The following BTN3A1 variants were observed in gnomAD, a reference collection of about 807,000 sequenced individuals.
BTN3A1 encodes the protein dJ45P21.3 (butyrophilin, subfamily 3, member A1).
A neutral mutation model predicts 43.0 loss-of-function variants in BTN3A1; 24 were observed. That is an observed-to-expected ratio of 0.56 (90% CI 0.40 to 0.78). The LOEUF (loss-of-function observed/expected upper bound fraction) is 0.78. Ranked by LOEUF, BTN3A1 falls within the 30% of genes least tolerant of loss-of-function variation. The probability of loss-of-function intolerance (pLI) is 0.00; values close to 1 mark genes in which losing one functional copy is unlikely to be tolerated. For missense variants in BTN3A1, 533 were observed against 626.2 expected (o/e 0.85, Z 1.59); for synonymous variants, 181 against 234.7 (o/e 0.77, Z 2.09).
chr6:26,408,055 A>G, intron 4 of BTN3A1, 103 bp downstream of exon 4: 4 of 1,536,862 alleles, frequency 2.6e-6, no homozygotes, highest in Non-Finnish European at 3.5e-6. Flanking sequence ...TGCACTGAAT[A>G]TAAGGCCCAA....
rs1263136219 is a variant in BTN3A1 at position 26,413,166 on chromosome 6, C to T, written c.1019-3C>T. 1 of 1,607,826 alleles carries T rather than the reference C, an allele frequency of 6.2e-7. No individual in the cohort carries two copies. The highest frequency in any genetic ancestry group is 8.5e-7 in the Non-Finnish European group (1 of 1,176,838). On this transcript the variant is annotated splice_polypyrimidine_tract_variant and splice_region_variant and intron_variant, in intron 9 of 9. Transcript: ENST00000289361. ...CATGGACACTTCCTCAAACTCTCTG[C>T]AGCGGATGTGATTCTGGATCCAAAA...
intron 9 of BTN3A1, chr6:26,411,818 G>A (rs1311439114): frequency 5.9e-6 from 3 of 509,694 alleles, no homozygotes; most frequent in Non-Finnish European, 1.0e-5. Flanking sequence ...GACCTTCCTG[G>A]GAAGGAAGAC....
In BTN3A1 at chr6:26,413,217, C is replaced by A; in HGVS notation, c.1067C>A (p.Ser356Tyr). ...PKTANPILLVSEDQRSVQRAK... is the reference protein window; with the variant it reads ...PKTANPILLVYEDQRSVQRAK... ...ACAGCAAACCCCATCCTCCTTGTTT[C>A]TGAGGACCAGAGGAGTGTGCAGCGT... The change falls in exon 10 of 10, where the codon TCT (serine) becomes TAT (tyrosine). Residue 356 changes from serine to tyrosine, a missense_variant. Around this residue, in one of 4 missense-constraint regions of BTN3A1, gnomAD observed 415 missense variants for 427.0 expected, o/e 0.97. Transcript: ENST00000289361. The A allele has an allele frequency of 6.2e-7, 1 of 1,614,072 alleles. No individual in the cohort carries two copies.
chr6:26,402,863 A>G (rs982175734), intron 1 of BTN3A1, among the ~76,000 whole-genome samples: 3 of 152,214 alleles, frequency 2.0e-5, no homozygotes, highest in Non-Finnish European at 4.4e-5. Context: ...TTCAATCATA[A>G]AAGAGATTTC....
chr6:26,411,082 G>T (rs905541807), intron 7 of BTN3A1, 27 bp from the exon 8 acceptor site: 16 of 1,595,022 alleles, frequency 1.0e-5, no homozygotes, highest in Non-Finnish European at 1.4e-5. Flanking sequence ...AAGTTCAGGT[G>T]ACATCTCTAT....
Position 26,413,557 on chromosome 6 carries a change from A to T in BTN3A1, c.1407A>T (p.Gly469=). The T allele has an allele frequency of 6.2e-7, 1 of 1,614,124 alleles. No individual in the cohort carries two copies. The highest frequency in any genetic ancestry group is 8.5e-7 in the Non-Finnish European group (1 of 1,180,030). ...GGGTCTTCCTGGACTATGAGACTGG[A>T]GATATCTCATTCTACAATGCTGTGG... ...KVGVFLDYET[G]DISFYNAVDG... is the part of the protein sequence containing the mutation. The change falls in exon 10 of 10, where the codon GGA becomes GGT. Residue 469 remains glycine (G), a synonymous_variant. Coordinates refer to ENST00000289361, the MANE Select transcript of BTN3A1 (RefSeq NM_007048.6).
At chr6:26,411,000 TAAAAAAAAAAAAA>T in intron 7 of BTN3A1, 96 bp from the exon 8 acceptor site, 4 of 358,858 alleles carry the variant, frequency 1.1e-5, no homozygotes, top group Non-Finnish European at 1.7e-5. Context: ...ATACAGGTGG[TAAAAAAAAAAAAA>T]AAAAAAAAAA....
In BTN3A1 at chr6:26,411,886, G is replaced by A. The variant is rs910312456; in HGVS notation, c.1018+305G>A. ...CACACTGAGTAATACTGCAGGGAGAGTGAGGATGGAAATGCCAAGGAAAGG... is the reference window on the plus strand; with the variant it reads ...CACACTGAGTAATACTGCAGGGAGAATGAGGATGGAAATGCCAAGGAAAGG... On this transcript the variant is annotated intron_variant, in intron 9 of 9. Transcript: ENST00000289361. 4.2e-5 allele frequency: 13 copies of A among 310,504 alleles called. No individual in the cohort carries two copies. In the Admixed American group the frequency reaches 4.7e-4, roughly 11 times the overall value. 19.2% of individuals were successfully genotyped at this position (310,504 alleles called of 1,614,324 possible).
Position 26,410,791 on chromosome 6 carries a change from G to GTA in BTN3A1, c.965-308_965-307dup, listed in dbSNP as rs201545633. 1.7e-4 allele frequency among the ~76,000 whole-genome samples: 26 copies of GTA among 148,606 alleles called. No individual in the cohort carries two copies. In the East Asian group the frequency reaches 2.0e-3, roughly 11 times the overall value. On this transcript the variant is annotated intron_variant, in intron 7 of 9. Coordinates refer to ENST00000289361, the MANE Select transcript of BTN3A1 (RefSeq NM_007048.6). ...TGCATATATATGTATATATATATGTGTATATATATATGTGCATATAGACAT... is the reference window on the plus strand; with the variant it reads ...TGCATATATATGTATATATATATGTGTATATATATATATGTGCATATAGACAT...
intron 9 of BTN3A1, chr6:26,412,749 G>A: frequency 6.4e-7 from 1 of 1,551,410 alleles, no homozygotes; most frequent in Non-Finnish European, 8.7e-7. Flanking sequence ...TAAATAAATT[G>A]GATGTATGGA....
Position 26,409,616 on chromosome 6 carries a change from G to T in BTN3A1, c.799G>T (p.Gly267Cys), listed in dbSNP as rs776640643. The T allele has an allele frequency of 3.1e-6, 5 of 1,610,760 alleles. No homozygotes were observed. In the East Asian group the frequency reaches 1.1e-4, roughly 36 times the overall value. Residue 267 changes from glycine (G) to cysteine (C), a missense_variant, in exon 5 of 10, where the codon GGT (glycine) becomes TGT (cysteine). Physicochemically the swap from Gly to Cys is radical, Grantham distance 159. This residue lies in a region of BTN3A1 where 415 missense variants were observed against 427.0 expected (regional missense o/e 0.97). Coordinates refer to ENST00000289361, the MANE Select transcript of BTN3A1 (RefSeq NM_007048.6). ...CTTGCTGCTGCTTCTTGGGGGAGCCGGTTACTTCCTGTGGCAACAGCAGGA... is the reference window on the plus strand; with the variant it reads ...CTTGCTGCTGCTTCTTGGGGGAGCCTGTTACTTCCTGTGGCAACAGCAGGA... ...PVLLLLLGGA[G>C]YFLWQQQEEK...
intron 1 of BTN3A1, among the ~76,000 whole-genome samples, chr6:26,403,020 C>G (rs996192045): frequency 2.6e-5 from 4 of 152,182 alleles, no homozygotes; most frequent in Non-Finnish European, 4.4e-5. Context: ...CCAAACCTAA[C>G]GAATGCTATC....
chr6:26,409,680 A>C lies in BTN3A1; in HGVS notation c.863A>C (p.Gln288Pro). The C allele has an allele frequency of 6.3e-7, 1 of 1,593,092 alleles. No homozygotes were observed. The highest frequency in any genetic ancestry group is 8.5e-7 in the Non-Finnish European group (1 of 1,172,158). ...KTQFRKKKREQELREMAWSTM... is the reference protein window; with the variant it reads ...KTQFRKKKREPELREMAWSTM... ...CAGTTCAGAAAGAAAAAGAGAGAGC[A>C]AGAGTTGAGAGAAATGGCATGGAGC... The change falls in exon 5 of 10, where the codon CAA (glutamine) becomes CCA (proline). Residue 288 changes from glutamine (Q) to proline (P), a missense_variant. Coordinates refer to ENST00000289361, the MANE Select transcript of BTN3A1 (RefSeq NM_007048.6).
rs1762331669 is a variant in BTN3A1, at chr6:26,414,724, G to C, written c.*1032G>C. Reference sequence around the variant, plus strand: ...TTTTTTTAAGATGGAGTCTTACTCTGTTGCTAGGCTGGAGTGCAGTGGTGC... The same window carrying C: ...TTTTTTTAAGATGGAGTCTTACTCTCTTGCTAGGCTGGAGTGCAGTGGTGC... On this transcript the variant is annotated 3_prime_UTR_variant, in exon 10 of 10. Coordinates refer to ENST00000289361, the MANE Select transcript of BTN3A1 (RefSeq NM_007048.6). The C allele has an allele frequency of 6.7e-6, 1 of 149,760 alleles. No individual in the cohort carries two copies. 9.3% of individuals were successfully genotyped at this position (149,760 alleles called of 1,614,324 possible).
chr6:26,410,827 A>G (rs141722870), intron 7 of BTN3A1, among the ~76,000 whole-genome samples: 1 of 150,674 alleles, frequency 6.6e-6, no homozygotes, highest in African/African-American at 2.4e-5. Context: ...GGAGACACCT[A>G]TGCCCAGGTA....
Position 26,409,993 on chromosome 6 carries a change from C to T in BTN3A1, c.938-13C>T, listed in dbSNP as rs1762155831. On this transcript the variant is annotated splice_polypyrimidine_tract_variant and intron_variant, in intron 6 of 9. Transcript: ENST00000289361. ...GCGCCTTGATGCATCTTCCCCTGTT[C>T]CTTCCGTTGCAGGATGGAGAAGTAT... The T allele has an allele frequency of 6.2e-7, 1 of 1,614,034 alleles. No individual in the cohort carries two copies. The highest frequency in any genetic ancestry group is 8.5e-7 in the Non-Finnish European group (1 of 1,180,038).
At chr6:26,412,177 A>C in intron 9 of BTN3A1, 2 of 453,968 alleles carry the variant, frequency 4.4e-6, no homozygotes, top group Non-Finnish European at 7.9e-6. Context: ...CAACAAGGAA[A>C]AGTGCAGTGC....
At chr6:26,411,223 C>A (rs1207484632) in intron 8 of BTN3A1, 88 bp downstream of exon 8, 2 of 1,473,734 alleles carry the variant, frequency 1.4e-6, no homozygotes, top group South Asian at 2.5e-5. Flanking sequence ...TTGATGTTCT[C>A]ATTTGCATGA....
chr6:26,413,469 A>G lies in BTN3A1; in HGVS notation c.1319A>G (p.Lys440Arg). ...ACTATGGGGCTGACTGATGGGAATA[A>G]GTATCGGACTCTAACTGAGCCCAGA... ...FWTMGLTDGN[K>R]YRTLTEPRTN... The change falls in exon 10 of 10, where the codon AAG becomes AGG. Residue 440 changes from lysine (K) to arginine (R), a missense_variant. Physicochemically the swap from Lys to Arg is conservative, Grantham distance 26 (BLOSUM62 2). Transcript: ENST00000289361. The G allele has an allele frequency of 6.2e-7, 1 of 1,614,178 alleles. No homozygotes were observed. Among genetic ancestry groups the G allele is most frequent in the Non-Finnish European group, 8.5e-7 (1 of 1,180,044 alleles).
Sources: gnomAD v4.1 joint callset for allele counts (sites outside exome capture counted in the v4.1 genomes callset) on GRCh38, gnomAD v4.1.1 for gene constraint, gnomAD v4.1.1 regional missense constraint, MANE v1.5 for transcripts, NCBI Gene and HGNC (gene_info 2026-07-23, HGNC 2026-07-21) for gene names.